The following JMJD1C variants were observed in gnomAD, a reference collection of about 807,000 sequenced individuals.
JMJD1C encodes the protein jumonji domain containing 1C, also known as jumonji domain-containing protein 1C.
JMJD1C carries 31 observed loss-of-function variants against 245.3 expected under a neutral mutation model. The observed-to-expected ratio is 0.13, with a 90% CI of 0.09 to 0.17. The LOEUF is 0.17. Among genes scored for constraint, JMJD1C ranks in the 10% least tolerant of loss-of-function variants. JMJD1C has a pLI of 1.00. For synonymous variants in JMJD1C, 1,057 were observed against 1,017.4 expected, an observed-to-expected ratio of 1.04 and a Z score of -0.74; for missense variants, 2,691 against 3,000.2, an observed-to-expected ratio of 0.90 and a Z score of 2.41.
intron 2 of JMJD1C, chr10:63,268,989 T>C: frequency 4.1e-6 from 4 of 985,568 alleles, no homozygotes; most frequent in Non-Finnish European, 4.8e-6. Context: ...AACTCGCTCT[T>C]TGTCATCAGC....
chr10:63,504,783 A>G (rs943935923), intron 1 of JMJD1C, among the ~76,000 whole-genome samples: 1 of 152,200 alleles, frequency 6.6e-6, no homozygotes, highest in African/African-American at 2.4e-5. Flanking sequence ...GCTCACATCT[A>G]TAATCCCAGC....
chr10:63,248,887 C>T (rs1194649844), intron 3 of JMJD1C, among the ~76,000 whole-genome samples: 1 of 152,160 alleles, frequency 6.6e-6, no homozygotes, highest in Non-Finnish European at 1.5e-5. Context: ...TGAATATTGT[C>T]CTGGCCATAA....
At chr10:63,225,741 T>C (rs1196096295) in intron 3 of JMJD1C, among the ~76,000 whole-genome samples, 1 of 149,134 alleles carries the variant, frequency 6.7e-6, no homozygotes, top group Admixed American at 6.7e-5. Flanking sequence ...ATGGCGCCAT[T>C]GCACTCCAGC....
chr10:63,384,606 C>A (rs1033977619), intron 1 of JMJD1C, among the ~76,000 whole-genome samples: 1 of 152,070 alleles, frequency 6.6e-6, no homozygotes, highest in Non-Finnish European at 1.5e-5. Flanking sequence ...TTTAGAAAAA[C>A]CTACTATAAA....
chr10:63,373,898 T>C (rs1946512315), intron 2 of JMJD1C, among the ~76,000 whole-genome samples: 1 of 152,188 alleles, frequency 6.6e-6, no homozygotes, highest in Non-Finnish European at 1.5e-5. Flanking sequence ...ATATAAATGT[T>C]TGCAAAATGC....
intron 22 of JMJD1C, among the ~76,000 whole-genome samples, chr10:63,179,864 G>C (rs1203963231): frequency 6.6e-6 from 1 of 151,898 alleles, no homozygotes; most frequent in African/African-American, 2.4e-5. Context: ...AACTCAGAAA[G>C]TCAAATATGT....
intron 1 of JMJD1C, among the ~76,000 whole-genome samples, chr10:63,415,841 T>TC (rs1234134145): frequency 6.6e-6 from 1 of 152,194 alleles, no homozygotes; most frequent in Non-Finnish European, 1.5e-5. Flanking sequence ...TACTATCAAT[T>TC]CATCACTTCA....
intron 1 of JMJD1C, among the ~76,000 whole-genome samples, chr10:63,417,166 C>T (rs1034091600): frequency 2.0e-5 from 3 of 152,124 alleles, no homozygotes; most frequent in Admixed American, 1.3e-4. Flanking sequence ...TATTTCACAG[C>T]CTACAACTCA....
chr10:63,198,773 CA>C (rs1279458237), intron 11 of JMJD1C, 46 bp from the exon 12 acceptor site: 1 of 1,118,364 alleles, frequency 8.9e-7, no homozygotes, highest in Non-Finnish European at 1.3e-6. Context: ...CATATTAAAA[CA>C]TAAGTCCAGT....
At chr10:63,438,068 T>TC (rs1434947464) in intron 1 of JMJD1C, among the ~76,000 whole-genome samples, 3 of 152,044 alleles carry the variant, frequency 2.0e-5, no homozygotes, top group African/African-American at 7.2e-5. Flanking sequence ...AGCCTAGACC[T>TC]CTCCCTTTAA....
At chr10:63,170,589 A>T (rs1842254800) in intron 24 of JMJD1C, among the ~76,000 whole-genome samples, 1 of 152,232 alleles carries the variant, frequency 6.6e-6, no homozygotes, top group South Asian at 2.1e-4. Flanking sequence ...TTCATTAAGC[A>T]GTCTCTTGGT....
At chr10:63,218,482 T>C (rs1226457070) in intron 4 of JMJD1C, among the ~76,000 whole-genome samples, 2 of 152,088 alleles carry the variant, frequency 1.3e-5, no homozygotes, top group Non-Finnish European at 2.9e-5. Flanking sequence ...TTTCTAACTA[T>C]TGAAGAATAA....
At chr10:63,451,045 A>G (rs1952036005) in intron 1 of JMJD1C, among the ~76,000 whole-genome samples, 1 of 152,220 alleles carries the variant, frequency 6.6e-6, no homozygotes, top group Non-Finnish European at 1.5e-5. Context: ...GGAAATTATT[A>G]AAGCAATTCC....
chr10:63,290,046 G>A (rs1858457766), intron 2 of JMJD1C, among the ~76,000 whole-genome samples: 1 of 151,684 alleles, frequency 6.6e-6, no homozygotes, highest in South Asian at 2.1e-4. Flanking sequence ...TAATAAACAG[G>A]ACAATTCTTT....
intron 2 of JMJD1C, among the ~76,000 whole-genome samples, chr10:63,354,857 CAAAAAAAA>C (rs148651978): frequency 1.1e-5 from 1 of 94,934 alleles, no homozygotes; most frequent in African/African-American, 3.7e-5. Context: ...TCTACTTTAA[CAAAAAAAA>C]AAAAAAAAAA....
At chr10:63,200,364 G>A (rs1254840021) in intron 11 of JMJD1C, 112 bp downstream of exon 11, 9 of 733,678 alleles carry the variant, frequency 1.2e-5, no homozygotes, top group East Asian at 1.1e-4. Flanking sequence ...CCAAAACATG[G>A]AGACTCAAAG....
chr10:63,305,457 A>ACC (rs1564760890), intron 2 of JMJD1C, among the ~76,000 whole-genome samples: 1 of 37,188 alleles, frequency 2.7e-5, no homozygotes, highest in South Asian at 7.7e-4. Flanking sequence ...AGACGCTCTG[A>ACC]CCCTCTCTCT....
chr10:63,181,241 C>T (rs1447873402), intron 22 of JMJD1C, among the ~76,000 whole-genome samples: 1 of 152,098 alleles, frequency 6.6e-6, no homozygotes, highest in Non-Finnish European at 1.5e-5. Context: ...GTTTTCTTAA[C>T]AAAATTAAAA....
intron 22 of JMJD1C, among the ~76,000 whole-genome samples, chr10:63,178,609 C>T (rs7916967): frequency 0.99 from 150,087 of 152,354 alleles, 73,960 homozygotes; most frequent in Middle Eastern, 1. Flanking sequence ...GACTAATGAA[C>T]GGCAGGACAA....
Sources: allele counts gnomAD v4.1 joint callset (sites outside exome capture counted in the v4.1 genomes callset), GRCh38; gene constraint gnomAD v4.1.1; transcripts MANE v1.5; gene names NCBI Gene and HGNC (gene_info 2026-07-23, HGNC 2026-07-21).